Variants in VANGL1 observed in about 807,000 individuals in gnomAD.
VANGL1 encodes VANGL planar cell polarity protein 1.
In VANGL1, 18 loss-of-function variants were observed where a neutral mutation model predicts 48.4. The ratio of observed to expected loss-of-function variants is 0.37; its 90% CI spans 0.26 to 0.55. VANGL1 has a LOEUF of 0.55. Ranked by LOEUF, VANGL1 falls within the 20% of genes least tolerant of loss-of-function variation. The pLI, the probability that VANGL1 is intolerant of heterozygous loss-of-function variation, is 0.81. For missense variants in VANGL1, 667 were observed against 675.8 expected, an observed-to-expected ratio of 0.99 and a Z score of 0.14; for synonymous variants, 257 against 261.8, an observed-to-expected ratio of 0.98 and a Z score of 0.18.
Position 115,694,734 on chromosome 1 carries a change from C to T in VANGL1, c.*3355C>T, listed in dbSNP as rs1291077045. The T allele has an allele frequency of 2.0e-5, 3 of 152,180 alleles. No individual in the cohort carries two copies. Among genetic ancestry groups the T allele is most frequent in the Admixed American group, 6.5e-5 (1 of 15,274 alleles). 9.4% of individuals were successfully genotyped at this position (152,180 alleles called of 1,614,324 possible). ...GTGTAAGTATCCCTAAGTGGGGATG[C>T]ATATTTGTTTGTGCGTTTTTATTTC... On this transcript the variant is annotated 3_prime_UTR_variant, in exon 8 of 8. Transcript: ENST00000355485.
At chr1:115,661,006 A>G (rs536990728) in intron 3 of VANGL1, among the ~76,000 whole-genome samples, 1 of 152,250 alleles carries the variant, frequency 6.6e-6, no homozygotes, top group East Asian at 1.9e-4. Context: ...AGTGGCCTAC[A>G]GCAAAGGCTC....
Position 115,691,149 on chromosome 1 carries a change from C to G in VANGL1, c.1345C>G (p.Pro449Ala). Residue 449 changes from proline (P) to alanine (A), a missense_variant, in exon 8 of 8, where the codon CCC becomes GCC. Transcript: ENST00000355485. ...AFLERYLSAG[P>A]TLQYDKDRWL... is the part of the protein sequence containing the mutation. ...CCTAGAACGGTACCTCAGTGCGGGC[C>G]CCACCCTGCAATATGACAAGGACCG... is the stretch of plus-strand genomic sequence containing the variant. 6.2e-7 allele frequency: 1 copy of G among 1,614,142 alleles called. No homozygotes were observed. The highest frequency in any genetic ancestry group is 8.5e-7 in the Non-Finnish European group (1 of 1,180,028).
In VANGL1 at chr1:115,681,539, T is replaced by G. The variant is rs180843770; in HGVS notation, c.813-825T>G. On this transcript the variant is annotated intron_variant, in intron 4 of 7. Coordinates refer to ENST00000355485, the MANE Select transcript of VANGL1 (RefSeq NM_138959.3). ...TTTTTTTTTTGAGACTGAATTTCAC[T>G]CTTGTTGCCCAGGCTGGAGTGCAGT... Among the ~76,000 whole-genome samples the G allele has an allele frequency of 3.5e-3, 474 of 135,292 alleles. 11 individuals carry two copies. The East Asian group carries it at 0.063, about 18-fold the overall frequency. 88.8% of individuals were successfully genotyped at this position (135,292 alleles called of 152,430 possible). A position where few individuals can be genotyped will look rare whatever the true frequency, so the allele number is the denominator to read the frequency against.
rs539378733 is a variant in VANGL1 at position 115,651,531 on chromosome 1, C to A, written c.71+47C>A. Reference sequence around the variant, plus strand: ...ACACTTTTCCTTTTGGGGAAACCTACAGGTTGGTGGGGTTCTCTACACTCA... The same window carrying A: ...ACACTTTTCCTTTTGGGGAAACCTAAAGGTTGGTGGGGTTCTCTACACTCA... On this transcript the variant is annotated intron_variant, in intron 2 of 7. Transcript: ENST00000355485. The A allele has an allele frequency of 2.5e-6, 4 of 1,571,040 alleles. No individual in the cohort carries two copies. The South Asian group carries it at 3.3e-5, about 13-fold the overall frequency.
chr1:115,686,611 C>T (rs1388928856), intron 7 of VANGL1, among the ~76,000 whole-genome samples: 1 of 152,008 alleles, frequency 6.6e-6, no homozygotes, highest in African/African-American at 2.4e-5. Flanking sequence ...TGTGACTGTG[C>T]ACAAATTACT....
At chr1:115,650,648 A>G (rs1332583205) in intron 1 of VANGL1, among the ~76,000 whole-genome samples, 1 of 152,090 alleles carries the variant, frequency 6.6e-6, no homozygotes, top group Non-Finnish European at 1.5e-5. Flanking sequence ...CATTTTAAAC[A>G]TATGTGATAC....
At chr1:115,681,748 C>A (rs1222868620) in intron 4 of VANGL1, among the ~76,000 whole-genome samples, 1 of 152,158 alleles carries the variant, frequency 6.6e-6, no homozygotes, top group Non-Finnish European at 1.5e-5. Context: ...CTCAGGTGAT[C>A]TGCCCACCTC....
chr1:115,663,698 G>A lies in VANGL1; in HGVS notation c.242G>A (p.Gly81Asp). Residue 81 changes from glycine to aspartate, a missense_variant, in exon 4 of 8, where the codon GGC (glycine) becomes GAC (aspartate). Coordinates refer to ENST00000355485, the MANE Select transcript of VANGL1 (RefSeq NM_138959.3). ...NWGETTTAITGTSEHSISQED... is the reference protein window; with the variant it reads ...NWGETTTAITDTSEHSISQED... ...GGAGAGACCACCACGGCCATCACAG[G>A]CACCTCGGAGCACAGCATATCCCAA... 1 of 1,614,164 alleles carries A rather than the reference G, an allele frequency of 6.2e-7. No homozygotes were observed. The highest frequency in any genetic ancestry group is 8.5e-7 in the Non-Finnish European group (1 of 1,180,028).
At chr1:115,687,493 A>T (rs1343138646) in intron 7 of VANGL1, among the ~76,000 whole-genome samples, 1 of 138,792 alleles carries the variant, frequency 7.2e-6, no homozygotes, top group Non-Finnish European at 1.6e-5. Context: ...TAAAAATTTT[A>T]TACTTTTCTG....
Position 115,687,621 on chromosome 1 carries a change from A to G in VANGL1, c.1314+2094A>G, listed in dbSNP as rs1431052328. Among the ~76,000 whole-genome samples the G allele has an allele frequency of 1.5e-5, 2 of 137,808 alleles. 1 individual carries two copies. Among genetic ancestry groups the G allele is most frequent in the African/African-American group, 5.5e-5 (2 of 36,630 alleles). The allele number at this position is 137,808 out of a possible 152,430, so 90.4% of individuals were successfully genotyped here. ...CAGTTTTTACCGATAAGGAGTTGGT[A>G]TATATTCTTTCAAATATATGTAGAT... On this transcript the variant is annotated intron_variant, in intron 7 of 7. Transcript: ENST00000355485.
intron 4 of VANGL1, among the ~76,000 whole-genome samples, chr1:115,664,693 T>TC (rs1652705973): frequency 6.6e-6 from 1 of 152,186 alleles, no homozygotes; most frequent in African/African-American, 2.4e-5. Context: ...GTTCCTTTTT[T>TC]CCCACTCTCA....
intron 4 of VANGL1, among the ~76,000 whole-genome samples, chr1:115,673,812 C>G (rs1653069776): frequency 6.6e-6 from 1 of 151,956 alleles, no homozygotes. Flanking sequence ...GTTGGTCAGG[C>G]TGGTCTTGAA....
rs1654046298 is a variant in VANGL1 at position 115,696,772 on chromosome 1, AC to A, written c.*5394del. 1 of 152,222 alleles carries A rather than the reference AC, an allele frequency of 6.6e-6. No individual in the cohort carries two copies. Among genetic ancestry groups the A allele is most frequent in the Admixed American group, 6.5e-5 (1 of 15,288 alleles). The allele number at this position is 152,222 out of a possible 1,614,324, so 9.4% of individuals were successfully genotyped here. A position where few individuals can be genotyped will look rare whatever the true frequency, so the allele number is the denominator to read the frequency against. On this transcript the variant is annotated 3_prime_UTR_variant, in exon 8 of 8. Transcript: ENST00000355485. ...GCAGATTCCTAAAGCCAGGTGCAGC[AC>A]TGTGAAAAGTTTCTTTCAATATGGC...
intron 4 of VANGL1, among the ~76,000 whole-genome samples, chr1:115,676,870 C>T (rs894702285): frequency 6.6e-6 from 1 of 152,258 alleles, no homozygotes; most frequent in African/African-American, 2.4e-5. Flanking sequence ...TTTTATGCCA[C>T]TGAGTATTTT....
In VANGL1 at chr1:115,695,495, A is replaced by G. The variant is rs1654001848; in HGVS notation, c.*4116A>G. 1 of 152,654 alleles carries G rather than the reference A, an allele frequency of 6.6e-6. No individual in the cohort carries two copies. Among genetic ancestry groups the G allele is most frequent in the Non-Finnish European group, 1.5e-5 (1 of 68,030 alleles). The allele number at this position is 152,654 out of a possible 1,614,324, so 9.5% of individuals were successfully genotyped here. A position where few individuals can be genotyped will look rare whatever the true frequency, so the allele number is the denominator to read the frequency against. On this transcript the variant is annotated 3_prime_UTR_variant, in exon 8 of 8. Transcript: ENST00000355485. ...TGCCCACCGTTCTTGATTGGTATTC[A>G]GTGCAGTAGCGAAATGAGATAGTTT... is the stretch of plus-strand genomic sequence containing the variant.
At chr1:115,682,586 T>G in intron 5 of VANGL1, 89 bp downstream of exon 5, 1 of 1,586,068 alleles carries the variant, frequency 6.3e-7, no homozygotes, top group Non-Finnish European at 8.6e-7. Flanking sequence ...TTCGACTTCT[T>G]CTCTGGGCCT....
In VANGL1 at chr1:115,694,566, C is replaced by T. The variant is rs962934211; in HGVS notation, c.*3187C>T. On this transcript the variant is annotated 3_prime_UTR_variant, in exon 8 of 8. Transcript: ENST00000355485. ...GCATGTATTTACCTAAGGGCTGTAG[C>T]TCTGTGGGATGCTACCAGCATATTG... 1.3e-5 allele frequency: 2 copies of T among 152,140 alleles called. No individual in the cohort carries two copies. Among genetic ancestry groups the T allele is most frequent in the Non-Finnish European group, 2.9e-5 (2 of 68,028 alleles). 9.4% of individuals were successfully genotyped at this position (152,140 alleles called of 1,614,324 possible).
At chr1:115,654,266 T>C (rs1028328691) in intron 2 of VANGL1, among the ~76,000 whole-genome samples, 1 of 152,022 alleles carries the variant, frequency 6.6e-6, no homozygotes, top group Non-Finnish European at 1.5e-5. Context: ...AAACTTGATA[T>C]GCCTGATGAC....
chr1:115,667,466 A>T (rs541232684), intron 4 of VANGL1, among the ~76,000 whole-genome samples: 1 of 152,198 alleles, frequency 6.6e-6, no homozygotes, highest in African/African-American at 2.4e-5. Flanking sequence ...AAAGCTTTTC[A>T]TAGGTTTGGA....
Sources: gnomAD v4.1 joint callset for allele counts (sites outside exome capture counted in the v4.1 genomes callset) on GRCh38, gnomAD v4.1.1 for gene constraint, MANE v1.5 for transcripts, NCBI Gene and HGNC (gene_info 2026-07-23, HGNC 2026-07-21) for gene names.